The following SEPTIN11 variants were observed in gnomAD, a reference collection of about 807,000 sequenced individuals.
SEPTIN11 encodes septin 11.
SEPTIN11 carries 25 observed loss-of-function variants against 51.4 expected under a neutral mutation model. The ratio of observed to expected loss-of-function variants is 0.49; its 90% CI spans 0.35 to 0.68. The LOEUF is 0.68. SEPTIN11 is among the 30% of genes least tolerant of loss of function. The probability of loss-of-function intolerance (pLI) is 0.00; values close to 1 mark genes in which losing one functional copy is unlikely to be tolerated. For synonymous variants in SEPTIN11, 174 were observed against 184.1 expected (o/e 0.95, Z 0.44); for missense variants, 381 against 520.8 (o/e 0.73, Z 2.61).
intron 1 of SEPTIN11, among the ~76,000 whole-genome samples, chr4:76,961,286 AT>A (rs1721816084): frequency 6.6e-6 from 1 of 152,010 alleles, no homozygotes; most frequent in Non-Finnish European, 1.5e-5. Context: ...TTCGAAATTT[AT>A]TTTTTTAGTT....
At chr4:77,030,604 C>T (rs1205774837) in intron 8 of SEPTIN11, among the ~76,000 whole-genome samples, 179 bp from the exon 9 acceptor site, 4 of 152,018 alleles carry the variant, frequency 2.6e-5, no homozygotes, top group Admixed American at 2.6e-4. Context: ...ACCATCTTGG[C>T]CAGGCTGGTC....
downstream of SEPTIN11, chr4:77,038,925 C>T (rs1727216735): frequency 2.1e-6 from 1 of 481,896 alleles, no homozygotes; most frequent in Admixed American, 2.9e-5. Context: ...CCTGCTGCTG[C>T]TCACCCTCCC....
chr4:77,015,119 T>A, intron 5 of SEPTIN11, 102 bp downstream of exon 5: 1 of 1,096,370 alleles, frequency 9.1e-7, no homozygotes, highest in Non-Finnish European at 1.3e-6. Flanking sequence ...AGGAACCTGA[T>A]GACTTCAGCT....
At chr4:76,959,435 A>G (rs1721725804) in intron 1 of SEPTIN11, among the ~76,000 whole-genome samples, 1 of 148,976 alleles carries the variant, frequency 6.7e-6, no homozygotes, top group East Asian at 1.9e-4. Context: ...AGTAGACTCA[A>G]AAAAAAAAAT....
chr4:77,026,038 A>G (rs1267322008), intron 7 of SEPTIN11, among the ~76,000 whole-genome samples: 1 of 152,190 alleles, frequency 6.6e-6, no homozygotes, highest in Non-Finnish European at 1.5e-5. Context: ...GATCCAGCAT[A>G]CACATTTTGT....
Position 77,037,630 on chromosome 4 carries a change from C to G in SEPTIN11, c.*3118C>G, listed in dbSNP as rs984414255. The stretch of plus-strand genomic sequence containing the variant: ...TTTGGGGATTGAGGGGCCTACATAA[C>G]TAGCTGGCCTTACCCCATATCTTTT... On this transcript the variant is annotated 3_prime_UTR_variant, in exon 10 of 10. Transcript: ENST00000264893. The G allele has an allele frequency of 3.0e-6, 3 of 985,594 alleles. No homozygotes were observed. Among genetic ancestry groups the G allele is most frequent in the African/African-American group, 1.7e-5 (1 of 57,346 alleles). The allele number at this position is 985,594 out of a possible 1,614,324, so 61.1% of individuals were successfully genotyped here.
chr4:77,011,665 G>A, intron 3 of SEPTIN11, 70 bp from the exon 4 acceptor site: 1 of 1,428,204 alleles, frequency 7.0e-7, no homozygotes, highest in Non-Finnish European at 9.8e-7. Flanking sequence ...AGAAGCCATT[G>A]TGATGTTGAA....
intron 8 of SEPTIN11, among the ~76,000 whole-genome samples, chr4:77,030,447 G>C (rs546718185): frequency 6.6e-6 from 1 of 152,180 alleles, no homozygotes; most frequent in Admixed American, 6.5e-5. Context: ...ACCCAGGCTG[G>C]AGTGCAGTGG....
Position 77,036,118 on chromosome 4 carries a change from G to A in SEPTIN11, c.*1606G>A. 1 of 985,824 alleles carries A rather than the reference G, an allele frequency of 1.0e-6. No homozygotes were observed. The highest frequency in any genetic ancestry group is 1.2e-6 in the Non-Finnish European group (1 of 830,018). 61.1% of individuals were successfully genotyped at this position (985,824 alleles called of 1,614,324 possible). A position where few individuals can be genotyped will look rare whatever the true frequency, so the allele number is the denominator to read the frequency against. On this transcript the variant is annotated 3_prime_UTR_variant, in exon 10 of 10. Transcript: ENST00000264893. ...ACCATACTTAGAGGAAAGAAGGAATGGTCTTCCATGAACTGATTATGCTTA... is the reference window on the plus strand; with the variant it reads ...ACCATACTTAGAGGAAAGAAGGAATAGTCTTCCATGAACTGATTATGCTTA...
chr4:77,016,633 C>CAAATATATATATATATATAT, intron 5 of SEPTIN11, among the ~76,000 whole-genome samples: 1 of 72,748 alleles, frequency 1.4e-5, no homozygotes, highest in South Asian at 4.3e-4. Flanking sequence ...TATATATACA[C>CAAATATATATATATATATAT]ATATATATAT....
intron 1 of SEPTIN11, among the ~76,000 whole-genome samples, chr4:76,973,869 T>G (rs1722365349): frequency 6.6e-6 from 1 of 152,184 alleles, no homozygotes. Flanking sequence ...TGTTAGCTAG[T>G]TTTAGAGATG....
In SEPTIN11 at chr4:76,987,125, G is replaced by T. The variant is rs539870410; in HGVS notation, c.28-9300G>T. On this transcript the variant is annotated intron_variant, in intron 1 of 9. Transcript: ENST00000264893. ...TTTTCCAGAGTGGCTCCCTGGGTTT[G>T]GCATTCTGAGCTTATCTACCTGGCT... is the stretch of plus-strand genomic sequence containing the variant. 6.6e-5 allele frequency among the ~76,000 whole-genome samples: 10 copies of T among 152,308 alleles called. No homozygotes were observed. In the East Asian group the frequency reaches 1.9e-3, roughly 29 times the overall value.
intron 2 of SEPTIN11, among the ~76,000 whole-genome samples, chr4:76,998,106 G>T (rs1023939183): frequency 6.6e-6 from 1 of 152,110 alleles, no homozygotes; most frequent in Non-Finnish European, 1.5e-5. Flanking sequence ...ATGCTGCCCT[G>T]TTAGATGTGT....
chr4:76,990,969 AT>A (rs1360959684), intron 1 of SEPTIN11, among the ~76,000 whole-genome samples: 5 of 151,980 alleles, frequency 3.3e-5, no homozygotes, highest in African/African-American at 1.2e-4. Flanking sequence ...TTAGGAATGG[AT>A]TTTCTTCAGG....
At chr4:76,977,529 C>T (rs1394970910) in intron 1 of SEPTIN11, among the ~76,000 whole-genome samples, 1 of 152,062 alleles carries the variant, frequency 6.6e-6, no homozygotes, top group Non-Finnish European at 1.5e-5. Context: ...ATTAGTTTTC[C>T]TGAGAGTAAA....
At chr4:76,996,938 G>C (rs921170063) in intron 2 of SEPTIN11, among the ~76,000 whole-genome samples, 1 of 144,092 alleles carries the variant, frequency 6.9e-6, no homozygotes, top group Non-Finnish European at 1.5e-5. Context: ...GGAGTGCAGT[G>C]GGGCGATCTT....
rs1207999447 is a variant in SEPTIN11 at position 76,949,778 on chromosome 4, G to A, written c.-126G>A. The A allele has an allele frequency of 1.9e-6, 2 of 1,031,924 alleles. No individual in the cohort carries two copies. The highest frequency in any genetic ancestry group is 3.1e-5 in the East Asian group (1 of 32,344). 63.9% of individuals were successfully genotyped at this position (1,031,924 alleles called of 1,614,324 possible). A position where few individuals can be genotyped will look rare whatever the true frequency, so the allele number is the denominator to read the frequency against. On this transcript the variant is annotated 5_prime_UTR_variant, in exon 1 of 10. Transcript: ENST00000264893. ...AGCAGATGCCGCTGGCTGCCAGCGGGACGCCGGCGAGCAGAGCGCAGCCGC... is the reference window on the plus strand; with the variant it reads ...AGCAGATGCCGCTGGCTGCCAGCGGAACGCCGGCGAGCAGAGCGCAGCCGC...
Position 77,036,253 on chromosome 4 carries a change from G to A in SEPTIN11, c.*1741G>A, listed in dbSNP as rs779032748. On this transcript the variant is annotated 3_prime_UTR_variant, in exon 10 of 10. Coordinates refer to ENST00000264893, the MANE Select transcript of SEPTIN11 (RefSeq NM_018243.4). ...AGTCTTCACAGGTTTAGGAGCTACT[G>A]GACCAACATTCTTGTTTTTGCTTTT... 6.9e-6 allele frequency: 7 copies of A among 1,015,626 alleles called. No homozygotes were observed. The highest frequency in any genetic ancestry group is 1.7e-5 in the African/African-American group (1 of 57,356). 62.9% of individuals were successfully genotyped at this position (1,015,626 alleles called of 1,614,324 possible).
chr4:76,968,821 T>C (rs1336070141), intron 1 of SEPTIN11, among the ~76,000 whole-genome samples: 3 of 152,222 alleles, frequency 2.0e-5, no homozygotes, highest in Non-Finnish European at 4.4e-5. Context: ...AGTAGCTTCA[T>C]GTGATTCAAG....
Sources: allele counts gnomAD v4.1 joint callset (sites outside exome capture counted in the v4.1 genomes callset), GRCh38; gene constraint gnomAD v4.1.1; transcripts MANE v1.5; gene names NCBI Gene and HGNC (gene_info 2026-07-23, HGNC 2026-07-21).